PTK2: variants seen among roughly 807,000 people sequenced by gnomAD.
PTK2 encodes protein tyrosine kinase 2, also known as focal adhesion kinase 1.
PTK2 carries 45 observed loss-of-function variants against 150.1 expected under a neutral mutation model. That is an observed-to-expected ratio of 0.30 (90% CI 0.24 to 0.38). The LOEUF is 0.38. Among genes scored for constraint, PTK2 ranks in the 10% least tolerant of loss-of-function variants. The pLI is 1.00. For missense variants in PTK2, 919 were observed against 1,307.3 expected, an observed-to-expected ratio of 0.70 and a Z score of 4.58; for synonymous variants, 432 against 449.2, an observed-to-expected ratio of 0.96 and a Z score of 0.48.
At chr8:140,672,127 T>C (rs542714987) in intron 29 of PTK2, 17 of 454,000 alleles carry the variant, frequency 3.7e-5, no homozygotes, top group African/African-American at 2.4e-4. Context: ...TTCATTGTAA[T>C]ACAAGCCATT....
chr8:140,686,880 T>A, intron 26 of PTK2, 186 bp from the exon 30 acceptor site: 1 of 593,426 alleles, frequency 1.7e-6, no homozygotes, highest in Non-Finnish European at 3.0e-6. Context: ...AAGAACTGCA[T>A]TCCTCTCCAC....
chr8:140,700,779 G>C (rs1210118672), intron 26 of PTK2, 112 bp downstream of exon 29: 7 of 1,397,154 alleles, frequency 5.0e-6, no homozygotes, highest in African/African-American at 1.4e-5. Flanking sequence ...TTAAGAAGTA[G>C]TTGTAAAACT....
intron 22 of PTK2, among the ~76,000 whole-genome samples, chr8:140,719,449 G>A (rs768403175): frequency 6.6e-6 from 1 of 152,044 alleles, no homozygotes; most frequent in Non-Finnish European, 1.5e-5. Flanking sequence ...GAAGTTTGGG[G>A]CCAGGTCTGG....
chr8:140,872,703 G>A (rs189364327), intron 4 of PTK2, among the ~76,000 whole-genome samples: 83 of 152,346 alleles, frequency 5.4e-4, no homozygotes, highest in African/African-American at 1.9e-3. Context: ...GGGCCTTCCA[G>A]TGACTTCTGA....
intron 16 of PTK2, among the ~76,000 whole-genome samples, chr8:140,753,553 C>T (rs994042869): frequency 3.3e-5 from 5 of 152,102 alleles, no homozygotes; most frequent in Non-Finnish European, 5.9e-5. Context: ...TTGAAGCTCT[C>T]CAACATGAAG....
intron 9 of PTK2, 120 bp downstream of exon 9, chr8:140,818,760 C>T: frequency 9.0e-7 from 1 of 1,108,508 alleles, no homozygotes; most frequent in Non-Finnish European, 1.3e-6. Flanking sequence ...GAAAAAATAT[C>T]ATTTTATTGA....
At chr8:140,727,695 A>C (rs1053827938) in intron 22 of PTK2, among the ~76,000 whole-genome samples, 4 of 152,224 alleles carry the variant, frequency 2.6e-5, no homozygotes, top group Non-Finnish European at 5.9e-5. Flanking sequence ...AAACATGTTT[A>C]AGATGCTGTT....
intron 14 of PTK2, among the ~76,000 whole-genome samples, chr8:140,771,779 A>ATTTTT (rs34027936): frequency 7.4e-6 from 1 of 135,046 alleles, no homozygotes; most frequent in African/African-American, 2.7e-5. Context: ...TCCTATTAAC[A>ATTTTT]TTTTTTTTTT....
chr8:140,729,512 T>C (rs530733864), intron 22 of PTK2, among the ~76,000 whole-genome samples: 2 of 152,302 alleles, frequency 1.3e-5, no homozygotes, highest in East Asian at 1.9e-4. Context: ...GAAAATACTT[T>C]GAAAGTACAA....
chr8:140,732,204 T>C (rs1378460513), intron 22 of PTK2, among the ~76,000 whole-genome samples: 1 of 152,228 alleles, frequency 6.6e-6, no homozygotes, highest in Non-Finnish European at 1.5e-5. Context: ...AATTATATTA[T>C]ATAGTGACAT....
At chr8:140,793,975 C>T (rs2100090090) in intron 12 of PTK2, among the ~76,000 whole-genome samples, 1 of 152,188 alleles carries the variant, frequency 6.6e-6, no homozygotes, top group South Asian at 2.1e-4. Context: ...CTGGCTCATG[C>T]CGGCCTGACC....
intron 4 of PTK2, among the ~76,000 whole-genome samples, chr8:140,865,075 G>A (rs954636408): frequency 4.6e-5 from 7 of 152,062 alleles, no homozygotes; most frequent in African/African-American, 1.7e-4. Context: ...CCTCCACTTG[G>A]CATTTTCTAA....
intron 26 of PTK2, 105 bp downstream of exon 29, chr8:140,700,786 A>C: frequency 6.9e-7 from 1 of 1,444,146 alleles, no homozygotes; most frequent in South Asian, 1.3e-5. Flanking sequence ...GTAGTTGTAA[A>C]ACTAACTCTC....
intron 12 of PTK2, among the ~76,000 whole-genome samples, chr8:140,799,612 T>C (rs892236470): frequency 7.4e-4 from 113 of 152,260 alleles, no homozygotes; most frequent in African/African-American, 2.6e-3. Context: ...CAGACTCAAC[T>C]AGTAGCAACA....
At chr8:140,868,436 T>C (rs1158795337) in intron 4 of PTK2, among the ~76,000 whole-genome samples, 1 of 152,212 alleles carries the variant, frequency 6.6e-6, no homozygotes, top group African/African-American at 2.4e-5. Context: ...CATCAATGAA[T>C]GCTAAGATCA....
intron 23 of PTK2, among the ~76,000 whole-genome samples, chr8:140,707,375 T>C (rs2154156668): frequency 6.6e-6 from 1 of 152,348 alleles, no homozygotes; most frequent in Non-Finnish European, 1.5e-5. Flanking sequence ...GTTGTGGCGA[T>C]GGTTGCACAA....
At chr8:140,714,132 C>T (rs1239656674) in intron 23 of PTK2, among the ~76,000 whole-genome samples, 1 of 152,210 alleles carries the variant, frequency 6.6e-6, no homozygotes, top group African/African-American at 2.4e-5. Context: ...AAGTGATCCC[C>T]CTACCTCAGT....
At chr8:140,950,243 G>T (rs1481145907) in intron 1 of PTK2, among the ~76,000 whole-genome samples, 1 of 152,220 alleles carries the variant, frequency 6.6e-6, no homozygotes, top group African/African-American at 2.4e-5. Flanking sequence ...ACGGCCTCCT[G>T]CTTGCCATGT....
chr8:140,916,026 G>A (rs1312628664), intron 2 of PTK2, among the ~76,000 whole-genome samples: 1 of 152,070 alleles, frequency 6.6e-6, no homozygotes, highest in African/African-American at 2.4e-5. Flanking sequence ...TAATAATGAG[G>A]ACCAGAAAAA....
Sources: gnomAD v4.1 joint callset for allele counts (sites outside exome capture counted in the v4.1 genomes callset) on GRCh38, gnomAD v4.1.1 for gene constraint, MANE v1.5 for transcripts, NCBI Gene and HGNC (gene_info 2026-07-23, HGNC 2026-07-21) for gene names.